Variants in ASXL1 observed in about 807,000 individuals in gnomAD.
ASXL1 encodes the protein ASXL transcriptional regulator 1.
Under a neutral mutation model 89.1 loss-of-function variants are expected in ASXL1, and 65 were observed. That is an observed-to-expected ratio of 0.73 (90% CI 0.60 to 0.90). The LOEUF is 0.90. Ranked by LOEUF, ASXL1 falls within the 40% of genes least tolerant of loss-of-function variation. The pLI is 0.00. For synonymous variants in ASXL1, 739 were observed against 746.9 expected (o/e 0.99, Z 0.17); for missense variants, 1,786 against 1,942.9 (o/e 0.92, Z 1.52).
In ASXL1 at chr20:32,437,492, C is replaced by A; in HGVS notation, c.*154C>A. 1 of 1,214,860 alleles carries A rather than the reference C, an allele frequency of 8.2e-7. No homozygotes were observed. The highest frequency in any genetic ancestry group is 1.2e-6 in the Non-Finnish European group (1 of 859,002). The allele number at this position is 1,214,860 out of a possible 1,614,324, so 75.3% of individuals were successfully genotyped here. A position where few individuals can be genotyped will look rare whatever the true frequency, so the allele number is the denominator to read the frequency against. On this transcript the variant is annotated 3_prime_UTR_variant, in exon 13 of 13. Coordinates refer to ENST00000375687, the MANE Select transcript of ASXL1 (RefSeq NM_015338.6). ...AATTTACACTGCTAAAGCCCTCTGT[C>A]ACTTGGCGACCCTTCTGGTCTTGCT...
chr20:32,432,743 C>G (rs1226092347), intron 10 of ASXL1, 137 bp from the exon 11 acceptor site: 2 of 1,091,336 alleles, frequency 1.8e-6, no homozygotes, highest in Non-Finnish European at 2.7e-6. Flanking sequence ...GATGTGTTAG[C>G]TCTGTCCCTA....
intron 3 of ASXL1, among the ~76,000 whole-genome samples, chr20:32,368,250 G>T (rs1165824082): frequency 6.6e-6 from 1 of 152,042 alleles, no homozygotes; most frequent in Non-Finnish European, 1.5e-5. Context: ...GATATTTTTG[G>T]TAGCTTTTCT....
intron 1 of ASXL1, among the ~76,000 whole-genome samples, chr20:32,363,853 G>A (rs6087889): frequency 6.6e-6 from 1 of 152,252 alleles, no homozygotes; most frequent in South Asian, 2.1e-4. Context: ...GTGGGAATTA[G>A]GTATATCTAC....
rs542477951 is a variant in ASXL1 at position 32,372,535 on chromosome 20, T to C, written c.252+3412T>C. 2.2e-5 allele frequency: 9 copies of C among 418,332 alleles called. No individual in the cohort carries two copies. In the South Asian group the frequency reaches 7.3e-4, roughly 34 times the overall value. 25.9% of individuals were successfully genotyped at this position (418,332 alleles called of 1,614,324 possible). On this transcript the variant is annotated intron_variant, in intron 4 of 12. Coordinates refer to ENST00000375687, the MANE Select transcript of ASXL1 (RefSeq NM_015338.6). ...TAGGTACATAGTTGCCTTCAATAAA[T>C]ATATATTTAATGAACGAATTTAGTG... is the stretch of plus-strand genomic sequence containing the variant.
In ASXL1 at chr20:32,430,002, G is replaced by A. The variant is rs2123224664; in HGVS notation, c.667G>A (p.Val223Ile). ...GSAAIRGQAE[V>I]TQDPAPLLRG... ...CGCTGCTATTCGTGGCCAGGCCGAG[G>A]TCACCCAGGACCCTGCCCCGCTCCT... Residue 223 changes from valine (V) to isoleucine (I), a missense_variant, in exon 8 of 13, where the codon GTC becomes ATC. Physicochemically the swap from Val to Ile is conservative, Grantham distance 29. Around this residue, in one of 3 missense-constraint regions of ASXL1, gnomAD observed 332 missense variants for 449.7 expected, o/e 0.74. Coordinates refer to ENST00000375687, the MANE Select transcript of ASXL1 (RefSeq NM_015338.6). 1.2e-6 allele frequency: 2 copies of A among 1,608,298 alleles called. No individual in the cohort carries two copies. The highest frequency in any genetic ancestry group is 1.7e-6 in the Non-Finnish European group (2 of 1,179,946).
intron 4 of ASXL1, among the ~76,000 whole-genome samples, chr20:32,426,541 C>CTTTTTTTTTTTTTTTGTTTTTTTTTTTT (rs1014372390): frequency 1.1e-5 from 1 of 92,564 alleles, no homozygotes; most frequent in Non-Finnish European, 2.3e-5. Context: ...AAACTGTTTT[C>CTTTTTTTTTTTTTTTGTTTTTTTTTTTT]TTTTTTTTCT....
chr20:32,410,693 T>A lies in ASXL1; in HGVS notation c.253-17435T>A, dbSNP rs2049027263. Among the ~76,000 whole-genome samples the A allele has an allele frequency of 1.3e-5, 2 of 152,148 alleles. 1 individual carries two copies. Among genetic ancestry groups the A allele is most frequent in the Non-Finnish European group, 2.9e-5 (2 of 68,026 alleles). ...AATAGTCTCATGTACTTTCATTCAC[T>A]GGTTTTAGCATCCACTGATGAAGGA... On this transcript the variant is annotated intron_variant, in intron 4 of 12. Coordinates refer to ENST00000375687, the MANE Select transcript of ASXL1 (RefSeq NM_015338.6).
intron 4 of ASXL1, chr20:32,371,932 G>A (rs1269931878): frequency 5.5e-6 from 2 of 364,106 alleles, no homozygotes; most frequent in Non-Finnish European, 1.0e-5. Context: ...TGTTACATAT[G>A]CTGTAATTAT....
At chr20:32,385,532 T>C (rs549034975) in intron 4 of ASXL1, among the ~76,000 whole-genome samples, 5 of 152,366 alleles carry the variant, frequency 3.3e-5, no homozygotes, top group Admixed American at 6.5e-5. Context: ...TATTTTGTTT[T>C]AGTCTTCTTT....
intron 1 of ASXL1, among the ~76,000 whole-genome samples, chr20:32,362,103 TA>T (rs1215791336): frequency 1.3e-5 from 2 of 152,086 alleles, no homozygotes; most frequent in African/African-American, 4.8e-5. Context: ...TCTTAATGTT[TA>T]AAAAAAGTTG....
chr20:32,403,563 C>T (rs2048909805), intron 4 of ASXL1, among the ~76,000 whole-genome samples: 1 of 151,990 alleles, frequency 6.6e-6, no homozygotes, highest in East Asian at 1.9e-4. Flanking sequence ...TACAGATGTA[C>T]ACCACCACTC....
Position 32,362,915 on chromosome 20 carries a change from C to T in ASXL1, c.58-3469C>T, listed in dbSNP as rs534521650. ...AGGGGATTTCCCTTTAAATCGAGGA[C>T]GCTAAATGGATTCTCCCTGGCTTCG... On this transcript the variant is annotated intron_variant, in intron 1 of 12. Transcript: ENST00000375687. 2.8e-4 allele frequency among the ~76,000 whole-genome samples: 43 copies of T among 152,154 alleles called. No individual in the cohort carries two copies. The South Asian group carries it at 8.3e-3, about 29-fold the overall frequency.
intron 1 of ASXL1, among the ~76,000 whole-genome samples, chr20:32,363,015 C>G (rs999460045): frequency 6.6e-6 from 1 of 151,496 alleles, no homozygotes; most frequent in African/African-American, 2.4e-5. Flanking sequence ...ACATTTTTTT[C>G]CCCTTTGAAG....
intron 9 of ASXL1, 25 bp from the exon 10 acceptor site, chr20:32,431,558 T>A (rs933320491): frequency 6.2e-7 from 1 of 1,609,608 alleles, no homozygotes; most frequent in Non-Finnish European, 8.5e-7. Context: ...TTTATTAGGA[T>A]TTTTTTCCCC....
intron 4 of ASXL1, among the ~76,000 whole-genome samples, chr20:32,384,178 G>A (rs900861965): frequency 7.4e-5 from 11 of 148,050 alleles, no homozygotes; most frequent in African/African-American, 2.5e-4. Flanking sequence ...ATTTGCTTTG[G>A]TCAATTGTAG....
intron 4 of ASXL1, among the ~76,000 whole-genome samples, chr20:32,426,537 T>TTGTCTTTTTTTTTTTTG (rs2011293361): frequency 8.3e-6 from 1 of 119,850 alleles, no homozygotes; most frequent in African/African-American, 2.8e-5. Flanking sequence ...TAGAAAACTG[T>TTGTCTTTTTTTTTTTTG]TTTCTTTTTT....
chr20:32,431,545 T>A, intron 9 of ASXL1, 38 bp from the exon 10 acceptor site: 2 of 1,614,038 alleles, frequency 1.2e-6, no homozygotes, highest in South Asian at 2.2e-5. Flanking sequence ...TCTTTTAAGT[T>A]TATTTATTAG....
At chr20:32,404,592 C>T (rs751191158) in intron 4 of ASXL1, among the ~76,000 whole-genome samples, 2 of 152,030 alleles carry the variant, frequency 1.3e-5, no homozygotes, top group Admixed American at 1.3e-4. Context: ...TTAATAGGGC[C>T]GGTTTAATAT....
At position 32,433,890 on chromosome 20, in the gene ASXL1, AGAG is replaced by A. The variant is rs1314185313; in HGVS notation, c.1696_1698del (p.Glu566del). On this transcript the variant is annotated inframe_deletion, in exon 12 of 13. Transcript: ENST00000375687. ...ACACCGAAAAGCCACAGCCCACTAA[AGAG>A]GAGCCCAAAGTCCCGCCCATCCGGG... 1 of 1,613,488 alleles carries A rather than the reference AGAG, an allele frequency of 6.2e-7. No individual in the cohort carries two copies. Among genetic ancestry groups the A allele is most frequent in the Admixed American group, 1.7e-5 (1 of 60,018 alleles).
Sources: allele counts gnomAD v4.1 joint callset (sites outside exome capture counted in the v4.1 genomes callset), GRCh38; gene constraint gnomAD v4.1.1; regional missense constraint gnomAD v4.1.1; transcripts MANE v1.5; gene names NCBI Gene and HGNC (gene_info 2026-07-23, HGNC 2026-07-21).